Variants in TRPM3 observed in about 807,000 individuals in gnomAD.
TRPM3 encodes transient receptor potential cation channel subfamily M member 3.
In TRPM3, 77 loss-of-function variants were observed where a neutral mutation model predicts 181.2. That is an observed-to-expected ratio of 0.42 (90% CI 0.35 to 0.51). TRPM3 has a LOEUF of 0.51. Among genes scored for constraint, TRPM3 ranks in the 20% least tolerant of loss-of-function variants. TRPM3 has a pLI of 0.01. For synonymous variants in TRPM3, 745 were observed against 796.4 expected, an observed-to-expected ratio of 0.94 and a Z score of 1.09; for missense variants, 1,759 against 2,196.7, an observed-to-expected ratio of 0.80 and a Z score of 3.98.
At chr9:70,568,895 CTT>C (rs1196132833) in intron 22 of TRPM3, among the ~76,000 whole-genome samples, 7 of 152,196 alleles carry the variant, frequency 4.6e-5, no homozygotes, top group Non-Finnish European at 1.0e-4. Flanking sequence ...GTTATAAAGA[CTT>C]TTGAGGACAA....
At chr9:71,157,012 C>T (rs2076037416) in intron 1 of TRPM3, among the ~76,000 whole-genome samples, 1 of 152,128 alleles carries the variant, frequency 6.6e-6, no homozygotes, top group South Asian at 2.1e-4. Flanking sequence ...TTCCATAAAG[C>T]ATACTTTATC....
Position 70,603,351 on chromosome 9 carries a change from C to T in TRPM3, c.2787G>A (p.Lys929=). 6.2e-7 allele frequency: 1 copy of T among 1,613,212 alleles called. No homozygotes were observed. The highest frequency in any genetic ancestry group is 8.5e-7 in the Non-Finnish European group (1 of 1,179,708). The change falls in exon 20 of 26, where the codon AAG becomes AAA. Residue 929 remains lysine, a synonymous_variant. Transcript: ENST00000677713. ...TTATAAAAGCCGTTACCTCTCTCAT[C>T]TTTTCTATTCCCAGGGTGAAAATAT... ...ISYIFTLGIE[K]MREILMSEPG... is the part of the protein sequence containing the mutation.
chr9:71,377,615 TAA>T (rs1401069041), intron 1 of TRPM3, among the ~76,000 whole-genome samples: 1 of 152,048 alleles, frequency 6.6e-6, no homozygotes, highest in Non-Finnish European at 1.5e-5. Context: ...CTTTTTTATG[TAA>T]AGTTTTATTG....
At chr9:71,169,145 A>C (rs905837853) in intron 1 of TRPM3, among the ~76,000 whole-genome samples, 3 of 152,182 alleles carry the variant, frequency 2.0e-5, no homozygotes, top group African/African-American at 4.8e-5. Context: ...GATTCTTGCC[A>C]TGTTGTAAAG....
rs1013441863 is a variant in TRPM3, at chr9:70,790,111, G to A, written c.974-5832C>T. Among the ~76,000 whole-genome samples the A allele has an allele frequency of 2.6e-5, 4 of 152,266 alleles. 1 individual carries two copies. In the South Asian group the frequency reaches 6.2e-4, roughly 24 times the overall value. On this transcript the variant is annotated intron_variant, in intron 6 of 25. Transcript: ENST00000677713. ...TGGTGTTTAATAGTAAAATGCCTGGGTAAAATTTCAATCAAACTAAATTAA... is the reference window on the plus strand; with the variant it reads ...TGGTGTTTAATAGTAAAATGCCTGGATAAAATTTCAATCAAACTAAATTAA...
At chr9:71,208,231 C>T (rs1441336517) in intron 1 of TRPM3, among the ~76,000 whole-genome samples, 1 of 152,068 alleles carries the variant, frequency 6.6e-6, no homozygotes, top group Non-Finnish European at 1.5e-5. Flanking sequence ...TTGACACTCA[C>T]CTTAGCTGGA....
At chr9:71,116,098 C>G (rs543445425) in intron 1 of TRPM3, among the ~76,000 whole-genome samples, 1 of 152,190 alleles carries the variant, frequency 6.6e-6, no homozygotes, top group South Asian at 2.1e-4. Flanking sequence ...TCATGTTTTC[C>G]TAAAAGCAGT....
At chr9:70,978,613 C>T (rs1056913382) in intron 1 of TRPM3, among the ~76,000 whole-genome samples, 2 of 152,216 alleles carry the variant, frequency 1.3e-5, no homozygotes, top group Non-Finnish European at 2.9e-5. Context: ...ATTTCTGAAA[C>T]ACTGCCTCCA....
At chr9:71,096,590 A>ACTCTCTCTCTCTCTCTCTCTCT (rs71367255) in intron 1 of TRPM3, among the ~76,000 whole-genome samples, 25 of 90,036 alleles carry the variant, frequency 2.8e-4, no homozygotes, top group African/African-American at 1.1e-3. Flanking sequence ...ACACACACAC[A>ACTCTCTCTCTCTCTCTCTCTCT]CTCTCTCTCT....
At chr9:71,097,289 T>C (rs2067477545) in intron 1 of TRPM3, among the ~76,000 whole-genome samples, 1 of 152,106 alleles carries the variant, frequency 6.6e-6, no homozygotes. Context: ...ATACAGTACA[T>C]GGATATCCTA....
chr9:71,022,811 T>A (rs757174582), intron 1 of TRPM3, among the ~76,000 whole-genome samples: 29 of 152,144 alleles, frequency 1.9e-4, no homozygotes, highest in Non-Finnish European at 4.1e-4. Flanking sequence ...GTTCTGCACA[T>A]GTATCCCAGA....
At chr9:71,444,466 C>A (rs568696121) in intron 1 of TRPM3, among the ~76,000 whole-genome samples, 1 of 152,034 alleles carries the variant, frequency 6.6e-6, no homozygotes, top group Non-Finnish European at 1.5e-5. Flanking sequence ...AGGATGGATA[C>A]CACAATATTT....
chr9:71,196,041 GA>G (rs2078331225), intron 1 of TRPM3, among the ~76,000 whole-genome samples: 1 of 151,818 alleles, frequency 6.6e-6, no homozygotes. Flanking sequence ...CCCGGGTGAC[GA>G]AATAATCTTT....
At chr9:70,890,759 T>C (rs540289858) in intron 1 of TRPM3, among the ~76,000 whole-genome samples, 5 of 152,146 alleles carry the variant, frequency 3.3e-5, no homozygotes, top group African/African-American at 7.2e-5. Flanking sequence ...TGGGATGCTA[T>C]TGGAAAATAT....
At chr9:71,144,707 A>T (rs2075311633) in intron 1 of TRPM3, among the ~76,000 whole-genome samples, 3 of 152,316 alleles carry the variant, frequency 2.0e-5, no homozygotes, top group East Asian at 3.9e-4. Context: ...GTCAAGCCAG[A>T]TTGCTGATCA....
chr9:70,552,716 C>A lies in TRPM3; in HGVS notation c.3574+128G>T, dbSNP rs74850556. 67 of 931,132 alleles carry A rather than the reference C, an allele frequency of 7.2e-5. No homozygotes were observed. In the East Asian group the frequency reaches 1.4e-3, roughly 20 times the overall value. 57.7% of individuals were successfully genotyped at this position (931,132 alleles called of 1,614,324 possible). A position where few individuals can be genotyped will look rare whatever the true frequency, so the allele number is the denominator to read the frequency against. On this transcript the variant is annotated intron_variant, in intron 24 of 25. Coordinates refer to ENST00000677713, the MANE Select transcript of TRPM3 (RefSeq NM_001366145.2). ...CCCTCATCCCCCAATGCTCTCCAAG[C>A]CTTCAGAGCTGTCTGCAGCCTGCAA...
At chr9:70,882,213 G>C (rs1443293084) in intron 1 of TRPM3, among the ~76,000 whole-genome samples, 1 of 152,062 alleles carries the variant, frequency 6.6e-6, no homozygotes, top group Non-Finnish European at 1.5e-5. Context: ...GCATGACCAG[G>C]TCCTCATTTT....
chr9:70,630,164 C>G (rs2065542552), intron 12 of TRPM3, among the ~76,000 whole-genome samples: 1 of 152,210 alleles, frequency 6.6e-6, no homozygotes, highest in African/African-American at 2.4e-5. Context: ...GGAAACAGCT[C>G]TGGGTTGGGC....
At chr9:71,036,940 A>T (rs527908518) in intron 1 of TRPM3, among the ~76,000 whole-genome samples, 1 of 152,298 alleles carries the variant, frequency 6.6e-6, no homozygotes, top group East Asian at 1.9e-4. Flanking sequence ...CCACTACAAC[A>T]TGATTGTAGG....
Sources: gnomAD v4.1 joint callset for allele counts (sites outside exome capture counted in the v4.1 genomes callset) on GRCh38, gnomAD v4.1.1 for gene constraint, MANE v1.5 for transcripts, NCBI Gene and HGNC (gene_info 2026-07-23, HGNC 2026-07-21) for gene names.